The following EVA1C variants were observed in gnomAD, a reference collection of about 807,000 sequenced individuals.
EVA1C encodes eva-1 homolog C, also known as protein eva-1 homolog C.
EVA1C carries 25 observed loss-of-function variants against 45.4 expected under a neutral mutation model. The observed-to-expected ratio is 0.55, with a 90% CI of 0.40 to 0.77. The LOEUF (loss-of-function observed/expected upper bound fraction) is 0.77. Among genes scored for constraint, EVA1C ranks in the 30% least tolerant of loss-of-function variants. The probability of loss-of-function intolerance (pLI) is 0.00; values close to 1 mark genes in which losing one functional copy is unlikely to be tolerated. For synonymous variants in EVA1C, 190 were observed against 221.2 expected (o/e 0.86, Z 1.25); for missense variants, 479 against 554.8 (o/e 0.86, Z 1.37).
Position 32,480,047 on chromosome 21 carries a change from T to C in EVA1C, c.634+12199T>C, listed in dbSNP as rs544217347. ...ATACCCTTTAACAAAGCAACCTACT[T>C]CCAATAATTCCTATGGAAATATCAT... On this transcript the variant is annotated intron_variant, in intron 4 of 7. Transcript: ENST00000300255. 6.6e-5 allele frequency among the ~76,000 whole-genome samples: 10 copies of C among 152,228 alleles called. No homozygotes were observed. In the South Asian group the frequency reaches 2.1e-3, roughly 32 times the overall value.
At chr21:32,418,975 TA>T in intron 1 of EVA1C, among the ~76,000 whole-genome samples, 1 of 152,004 alleles carries the variant, frequency 6.6e-6, no homozygotes, top group African/African-American at 2.4e-5. Context: ...TCCATCTTAA[TA>T]AAAAAAGGAG....
chr21:32,411,835 C>T (rs561712096), upstream of EVA1C, among the ~76,000 whole-genome samples: 269 of 152,374 alleles, frequency 1.8e-3, 1 homozygote, highest in African/African-American at 6.0e-3. Flanking sequence ...CACGGAGCCC[C>T]TCGCGCACTT....
chr21:32,505,740 A>AT (rs1387048066), intron 7 of EVA1C, among the ~76,000 whole-genome samples: 1 of 152,176 alleles, frequency 6.6e-6, no homozygotes, highest in East Asian at 1.9e-4. Flanking sequence ...TTGTCCTCAC[A>AT]TGGCAGAGAG....
intron 1 of EVA1C, chr21:32,428,727 GCTTTA>G (rs938908956): frequency 1.3e-5 from 2 of 152,328 alleles, no homozygotes; most frequent in African/African-American, 2.4e-5. Flanking sequence ...TTAACTGAGA[GCTTTA>G]CTTTAAAGAA....
At chr21:32,436,623 A>C (rs1260162986) in intron 1 of EVA1C, among the ~76,000 whole-genome samples, 4 of 152,280 alleles carry the variant, frequency 2.6e-5, no homozygotes, top group African/African-American at 9.6e-5. Context: ...TGATTCTATA[A>C]TAAGGGAAAG....
intron 4 of EVA1C, among the ~76,000 whole-genome samples, chr21:32,488,622 G>A (rs1280690805): frequency 6.7e-6 from 1 of 148,174 alleles, no homozygotes; most frequent in Non-Finnish European, 1.5e-5. Flanking sequence ...GTCTTGCTCT[G>A]TTGCCCAGGC....
At chr21:32,417,976 T>G (rs939501115) in intron 1 of EVA1C, among the ~76,000 whole-genome samples, 1 of 152,134 alleles carries the variant, frequency 6.6e-6, no homozygotes, top group Non-Finnish European at 1.5e-5. Context: ...AGGGTGACCT[T>G]CTGCCCATGC....
Position 32,507,583 on chromosome 21 carries a change from T to G in EVA1C, c.949+3568T>G, listed in dbSNP as rs572667857. On this transcript the variant is annotated intron_variant, in intron 7 of 7. Transcript: ENST00000300255. ...GTTTTTGTGTGTGCATGTGTATATG[T>G]GTGTGCATGTGTGTTTCTATGTGTA... 2.6e-5 allele frequency among the ~76,000 whole-genome samples: 4 copies of G among 152,246 alleles called. No homozygotes were observed. In the South Asian group the frequency reaches 8.3e-4, roughly 32 times the overall value.
At chr21:32,482,458 C>T (rs554453477) in intron 4 of EVA1C, among the ~76,000 whole-genome samples, 26 of 152,316 alleles carry the variant, frequency 1.7e-4, no homozygotes, top group African/African-American at 6.0e-4. Flanking sequence ...AACCCCTTCA[C>T]GGTTCTCCAA....
At chr21:32,412,150 C>G (rs2033843881), upstream of EVA1C, 1 of 152,284 alleles carries the variant, frequency 6.6e-6, no homozygotes. Flanking sequence ...AGCTTGGGCA[C>G]GGCGCCGGGG....
intron 3 of EVA1C, among the ~76,000 whole-genome samples, chr21:32,463,319 C>T (rs2036066420): frequency 3.3e-5 from 5 of 152,214 alleles, no homozygotes. Flanking sequence ...CAACCCACTT[C>T]TGGAAGGCTG....
intron 1 of EVA1C, among the ~76,000 whole-genome samples, chr21:32,444,647 T>C (rs2035302763): frequency 6.6e-6 from 1 of 152,156 alleles, no homozygotes; most frequent in Non-Finnish European, 1.5e-5. Flanking sequence ...ATAGGCACAA[T>C]TGATTAAATC....
At chr21:32,500,494 T>C (rs2037493624) in intron 5 of EVA1C, among the ~76,000 whole-genome samples, 1 of 152,162 alleles carries the variant, frequency 6.6e-6, no homozygotes, top group South Asian at 2.1e-4. Context: ...CTTAAAATTC[T>C]ATTACATGTG....
At chr21:32,433,578 A>C (rs1273426159) in intron 1 of EVA1C, among the ~76,000 whole-genome samples, 3 of 152,226 alleles carry the variant, frequency 2.0e-5, no homozygotes, top group Non-Finnish European at 4.4e-5. Context: ...TTGTGGCCAC[A>C]ACAAATTTAG....
chr21:32,419,878 A>G (rs1435324819), intron 1 of EVA1C, among the ~76,000 whole-genome samples: 1 of 152,198 alleles, frequency 6.6e-6, no homozygotes. Context: ...GTATATTTGT[A>G]TCCTTCTGTA....
chr21:32,505,597 G>A (rs373640619), intron 7 of EVA1C, among the ~76,000 whole-genome samples: 58 of 152,242 alleles, frequency 3.8e-4, no homozygotes, highest in African/African-American at 6.0e-4. Context: ...CAAAGTACCC[G>A]AGACCAGATG....
At chr21:32,414,632 A>T (rs901909063) in intron 1 of EVA1C, among the ~76,000 whole-genome samples, 2 of 152,248 alleles carry the variant, frequency 1.3e-5, no homozygotes, top group Non-Finnish European at 2.9e-5. Flanking sequence ...CAACTGTTAC[A>T]TACAGTGGAG....
At chr21:32,507,678 CTG>C (rs1220712545) in intron 7 of EVA1C, among the ~76,000 whole-genome samples, 3 of 139,564 alleles carry the variant, frequency 2.1e-5, no homozygotes, top group Admixed American at 7.1e-5. Context: ...GCATGTGTAT[CTG>C]TGTGCATGTG....
At position 32,450,054 on chromosome 21, in the gene EVA1C, T is replaced by C. The variant is rs111390551; in HGVS notation, c.161-3258T>C. On this transcript the variant is annotated intron_variant, in intron 1 of 7. Transcript: ENST00000300255. ...GCAAAGCACCTGAAGGATCTGGCAT[T>C]AGTCAATTCTATGCACTGAGCTTCT... 5.3e-5 allele frequency among the ~76,000 whole-genome samples: 8 copies of C among 152,328 alleles called. 1 individual carries two copies. The highest frequency in any genetic ancestry group is 1.9e-4 in the African/African-American group (8 of 41,570).
Sources: gnomAD v4.1 joint callset for allele counts (sites outside exome capture counted in the v4.1 genomes callset) on GRCh38, gnomAD v4.1.1 for gene constraint, MANE v1.5 for transcripts, NCBI Gene and HGNC (gene_info 2026-07-23, HGNC 2026-07-21) for gene names.